The following TAOK1 variants were observed in gnomAD, a reference collection of about 807,000 sequenced individuals.
TAOK1 encodes serine/threonine-protein kinase TAO1.
A neutral mutation model predicts 138.3 loss-of-function variants in TAOK1; 21 were observed. The observed-to-expected ratio is 0.15, with a 90% CI of 0.11 to 0.22. TAOK1 has a LOEUF of 0.22. Ranked by LOEUF, TAOK1 falls within the 10% of genes least tolerant of loss-of-function variation. The probability of loss-of-function intolerance (pLI) is 1.00; values close to 1 mark genes in which losing one functional copy is unlikely to be tolerated. For missense variants in TAOK1, 651 were observed against 1,227.7 expected (o/e 0.53, Z 7.02); for synonymous variants, 361 against 398.4 (o/e 0.91, Z 1.12).
intron 16 of TAOK1, 34 bp from the exon 17 acceptor site, chr17:29,522,246 A>G: frequency 1.2e-6 from 2 of 1,607,828 alleles, no homozygotes; most frequent in Non-Finnish European, 1.7e-6. Context: ...ATACAGCAGT[A>G]AGTTATACCT....
intron 17 of TAOK1, among the ~76,000 whole-genome samples, chr17:29,530,026 CA>C (rs919227553): frequency 4.5e-4 from 60 of 132,550 alleles, no homozygotes; most frequent in Non-Finnish European, 3.1e-4. Flanking sequence ...GACTCCATCT[CA>C]AAAAAAAAAA....
intron 9 of TAOK1, 137 bp downstream of exon 9, chr17:29,489,894 C>G: frequency 2.1e-6 from 1 of 486,324 alleles, no homozygotes; most frequent in Non-Finnish European, 3.4e-6. Flanking sequence ...GTATTTTACC[C>G]TTTTAAATAT....
At chr17:29,401,908 C>T (rs2153020171) in intron 1 of TAOK1, among the ~76,000 whole-genome samples, 1 of 152,276 alleles carries the variant, frequency 6.6e-6, no homozygotes, top group East Asian at 1.9e-4. Context: ...CCTTGGCCTC[C>T]CAAAGTGCTA....
chr17:29,405,554 G>A (rs550749769), intron 1 of TAOK1, among the ~76,000 whole-genome samples: 79 of 152,088 alleles, frequency 5.2e-4, no homozygotes, highest in African/African-American at 1.5e-3. Flanking sequence ...CGAGGTGGGC[G>A]GATCACCTGA....
intron 1 of TAOK1, among the ~76,000 whole-genome samples, chr17:29,437,722 C>T (rs1906076870): frequency 7.0e-6 from 1 of 142,102 alleles, no homozygotes; most frequent in African/African-American, 2.7e-5. Flanking sequence ...TTTGAACTGC[C>T]TTTATATTCT....
Position 29,482,759 on chromosome 17 carries a change from C to T in TAOK1, c.655+471C>T, listed in dbSNP as rs777764909. ...ATATACATATTTTTTTTTTTTAAGACGGTAAGGCCGACTTCATTCAACAGG... is the reference window on the plus strand; with the variant it reads ...ATATACATATTTTTTTTTTTTAAGATGGTAAGGCCGACTTCATTCAACAGG... On this transcript the variant is annotated intron_variant, in intron 8 of 19. Transcript: ENST00000261716. Among the ~76,000 whole-genome samples, 9 of 148,746 alleles carry T rather than the reference C, an allele frequency of 6.1e-5. No homozygotes were observed. The South Asian group carries it at 8.4e-4, about 14-fold the overall frequency.
At chr17:29,452,126 G>GAATC (rs1183734587) in intron 2 of TAOK1, among the ~76,000 whole-genome samples, 1 of 152,076 alleles carries the variant, frequency 6.6e-6, no homozygotes, top group Non-Finnish European at 1.5e-5. Context: ...TGAGGCCAGA[G>GAATC]AATCACCTGA....
In TAOK1 at chr17:29,551,460, C is replaced by T. The variant is rs770702823; in HGVS notation, c.*8438C>T. The T allele has an allele frequency of 2.6e-5, 4 of 152,130 alleles. No individual in the cohort carries two copies. Among genetic ancestry groups the T allele is most frequent in the Non-Finnish European group, 2.9e-5 (2 of 68,012 alleles). The allele number at this position is 152,130 out of a possible 1,614,324, so 9.4% of individuals were successfully genotyped here. ...ATACTTTTTTGAGAGAGTATCGTGT[C>T]GAAAGTGTGATGTTCTACCACTTTA... On this transcript the variant is annotated 3_prime_UTR_variant, in exon 20 of 20. Transcript: ENST00000261716.
intron 17 of TAOK1, among the ~76,000 whole-genome samples, chr17:29,529,428 A>C (rs956744670): frequency 1.1e-4 from 16 of 152,114 alleles, no homozygotes; most frequent in African/African-American, 3.4e-4. Flanking sequence ...CATCACTAAC[A>C]ACAACAACAA....
intron 1 of TAOK1, among the ~76,000 whole-genome samples, chr17:29,395,287 T>C (rs1459969482): frequency 1.3e-5 from 2 of 151,722 alleles, no homozygotes; most frequent in African/African-American, 4.8e-5. Flanking sequence ...TTCCAGCACT[T>C]TGGGAGGCCA....
At chr17:29,489,903 ATATT>A (rs1356446889) in intron 9 of TAOK1, 146 bp downstream of exon 9, 12 of 472,704 alleles carry the variant, frequency 2.5e-5, no homozygotes, top group Non-Finnish European at 4.2e-5. Context: ...CCTTTTAAAT[ATATT>A]TATTCTTTAT....
chr17:29,534,040 C>T, intron 18 of TAOK1, 78 bp from the exon 19 acceptor site: 1 of 1,412,608 alleles, frequency 7.1e-7, no homozygotes, highest in South Asian at 1.7e-5. Context: ...TAACACTCCT[C>T]CTCCTTTCCA....
intron 1 of TAOK1, among the ~76,000 whole-genome samples, chr17:29,434,755 C>T (rs1031262582): frequency 6.6e-6 from 1 of 152,182 alleles, no homozygotes; most frequent in Non-Finnish European, 1.5e-5. Context: ...AGGAGTCAGC[C>T]ACGCTCACCT....
chr17:29,503,414 A>T (rs1422951067), intron 13 of TAOK1, among the ~76,000 whole-genome samples: 1 of 151,372 alleles, frequency 6.6e-6, no homozygotes, highest in Admixed American at 6.6e-5. Flanking sequence ...AAAAAAAAAA[A>T]AAGAATGTGG....
In TAOK1 at chr17:29,544,617, A is replaced by C. The variant is rs1452199345; in HGVS notation, c.*1595A>C. On this transcript the variant is annotated 3_prime_UTR_variant, in exon 20 of 20. Coordinates refer to ENST00000261716, the MANE Select transcript of TAOK1 (RefSeq NM_020791.4). The stretch of plus-strand genomic sequence containing the variant: ...ATGAAGGATGAACCCAATGCTAAAA[A>C]GTCAGTTATTTTCTTGGTTTTCCAT... 1.3e-5 allele frequency: 2 copies of C among 152,236 alleles called. No individual in the cohort carries two copies. Among genetic ancestry groups the C allele is most frequent in the African/African-American group, 4.8e-5 (2 of 41,454 alleles). The allele number at this position is 152,236 out of a possible 1,614,324, so 9.4% of individuals were successfully genotyped here. A position where few individuals can be genotyped will look rare whatever the true frequency, so the allele number is the denominator to read the frequency against.
chr17:29,488,281 G>T (rs2031213569), intron 8 of TAOK1, among the ~76,000 whole-genome samples: 1 of 152,118 alleles, frequency 6.6e-6, no homozygotes, highest in African/African-American at 2.4e-5. Context: ...TTAAAAATTT[G>T]TATTTTTGGC....
At chr17:29,401,580 T>A (rs1567707974) in intron 1 of TAOK1, among the ~76,000 whole-genome samples, 1 of 151,930 alleles carries the variant, frequency 6.6e-6, no homozygotes, top group Admixed American at 6.6e-5. Flanking sequence ...ACCAGGTCCC[T>A]CCCCCAACTT....
chr17:29,529,214 A>ATTT (rs1334942916), intron 17 of TAOK1, among the ~76,000 whole-genome samples: 3 of 152,144 alleles, frequency 2.0e-5, no homozygotes, highest in Non-Finnish European at 4.4e-5. Flanking sequence ...GCCTATAAAC[A>ATTT]ATCCTGCCTT....
At chr17:29,408,193 A>T (rs1442263497) in intron 1 of TAOK1, among the ~76,000 whole-genome samples, 2 of 150,158 alleles carry the variant, frequency 1.3e-5, no homozygotes, top group African/African-American at 4.9e-5. Context: ...GTGGTATTAC[A>T]GGTGTGTGCC....
Sources: gnomAD v4.1 joint callset for allele counts (sites outside exome capture counted in the v4.1 genomes callset) on GRCh38, gnomAD v4.1.1 for gene constraint, MANE v1.5 for transcripts, NCBI Gene and HGNC (gene_info 2026-07-23, HGNC 2026-07-21) for gene names.